The following GRIK2 variants were observed in gnomAD, a reference collection of about 807,000 sequenced individuals.
GRIK2 encodes the protein glutamate receptor ionotropic, kainate 2.
Under a neutral mutation model 100.3 loss-of-function variants are expected in GRIK2, and 32 were observed. That is an observed-to-expected ratio of 0.32 (90% CI 0.24 to 0.43). The LOEUF is 0.43. Ranked by LOEUF, GRIK2 falls within the 20% of genes least tolerant of loss-of-function variation. The pLI is 1.00. For missense variants in GRIK2, 843 were observed against 1,114.9 expected (o/e 0.76, Z 3.47); for synonymous variants, 417 against 389.4 (o/e 1.07, Z -0.83).
At chr6:101,660,286 T>C (rs1314981608) in intron 4 of GRIK2, among the ~76,000 whole-genome samples, 1 of 152,210 alleles carries the variant, frequency 6.6e-6, no homozygotes, top group Non-Finnish European at 1.5e-5. Context: ...TTGTGTATGC[T>C]TCATGAAATT....
At chr6:101,969,930 G>A (rs1284178337) in intron 14 of GRIK2, among the ~76,000 whole-genome samples, 1 of 151,922 alleles carries the variant, frequency 6.6e-6, no homozygotes, top group Non-Finnish European at 1.5e-5. Context: ...TATATGGCTT[G>A]GAGAGTGTGT....
At chr6:101,984,187 A>T (rs1469295377) in intron 14 of GRIK2, among the ~76,000 whole-genome samples, 1 of 151,710 alleles carries the variant, frequency 6.6e-6, no homozygotes, top group Non-Finnish European at 1.5e-5. Flanking sequence ...ATTACCTTAT[A>T]AGTGCTTATT....
At chr6:101,618,653 A>G (rs1001179649) in intron 2 of GRIK2, among the ~76,000 whole-genome samples, 24 of 151,882 alleles carry the variant, frequency 1.6e-4, no homozygotes, top group South Asian at 4.1e-4. Context: ...CTTCCTCTGT[A>G]ATCAATAACC....
chr6:101,621,031 T>C (rs565311168), intron 2 of GRIK2, among the ~76,000 whole-genome samples: 2 of 152,304 alleles, frequency 1.3e-5, no homozygotes, highest in South Asian at 4.1e-4. Context: ...AGGAGTTGCA[T>C]TGTTTTGGAG....
chr6:101,901,742 A>G (rs977299175), intron 12 of GRIK2, among the ~76,000 whole-genome samples: 1 of 151,944 alleles, frequency 6.6e-6, no homozygotes, highest in Non-Finnish European at 1.5e-5. Flanking sequence ...ATTTAAGACT[A>G]AATCATATTT....
chr6:101,923,091 A>T (rs752357039), intron 12 of GRIK2, among the ~76,000 whole-genome samples: 1 of 152,184 alleles, frequency 6.6e-6, no homozygotes, highest in Admixed American at 6.5e-5. Flanking sequence ...AGGATAGGCT[A>T]TTAAAACAAG....
chr6:101,875,776 T>C (rs1785787430), intron 11 of GRIK2, among the ~76,000 whole-genome samples: 1 of 151,868 alleles, frequency 6.6e-6, no homozygotes, highest in Admixed American at 6.6e-5. Context: ...ATAACCAATA[T>C]TTTACCCTTC....
At chr6:101,456,071 T>C (rs970474129) in intron 2 of GRIK2, among the ~76,000 whole-genome samples, 1 of 150,648 alleles carries the variant, frequency 6.6e-6, no homozygotes, top group African/African-American at 2.4e-5. Context: ...GTCTTGGGGG[T>C]CCTGGTTACC....
chr6:101,702,394 TA>T (rs1451432287), intron 7 of GRIK2, among the ~76,000 whole-genome samples: 1 of 151,994 alleles, frequency 6.6e-6, no homozygotes, highest in African/African-American at 2.4e-5. Flanking sequence ...TACATTAACA[TA>T]GAAATTTTGA....
chr6:101,464,954 A>T (rs1771564510), intron 2 of GRIK2, among the ~76,000 whole-genome samples: 1 of 152,178 alleles, frequency 6.6e-6, no homozygotes, highest in African/African-American at 2.4e-5. Context: ...TTCTAAGTCA[A>T]TCTTGATAAC....
chr6:101,812,855 A>G (rs1781419033), intron 9 of GRIK2, among the ~76,000 whole-genome samples: 1 of 152,028 alleles, frequency 6.6e-6, no homozygotes, highest in East Asian at 1.9e-4. Flanking sequence ...TACACCTTCT[A>G]TAGAAGACAT....
intron 11 of GRIK2, among the ~76,000 whole-genome samples, chr6:101,869,339 A>T (rs1785244014): frequency 6.6e-6 from 1 of 151,952 alleles, no homozygotes; most frequent in South Asian, 2.1e-4. Flanking sequence ...AGAAGAATTT[A>T]TTGAAAATGT....
At chr6:101,562,120 T>C (rs1363895148) in intron 2 of GRIK2, among the ~76,000 whole-genome samples, 1 of 152,078 alleles carries the variant, frequency 6.6e-6, no homozygotes, top group Non-Finnish European at 1.5e-5. Flanking sequence ...TGCATGTCTG[T>C]GAAAAGGGGG....
chr6:101,543,591 T>C (rs754853497), intron 2 of GRIK2, among the ~76,000 whole-genome samples: 8 of 152,268 alleles, frequency 5.3e-5, no homozygotes, highest in Non-Finnish European at 1.0e-4. Context: ...AAGGGTGACA[T>C]ATGGTACTGT....
intron 3 of GRIK2, among the ~76,000 whole-genome samples, chr6:101,624,192 C>T (rs1013716520): frequency 2.0e-4 from 30 of 151,822 alleles, no homozygotes; most frequent in Non-Finnish European, 2.8e-4. Flanking sequence ...TTCTGATAAC[C>T]GAAAGCTCTA....
chr6:102,030,827 A>C (rs1410084130), intron 14 of GRIK2, among the ~76,000 whole-genome samples: 2 of 150,940 alleles, frequency 1.3e-5, no homozygotes, highest in Admixed American at 1.3e-4. Flanking sequence ...TATGGCATTC[A>C]AAATCTACAT....
At chr6:101,740,428 GA>G (rs139220226) in intron 7 of GRIK2, among the ~76,000 whole-genome samples, 14,551 of 152,176 alleles carry the variant, frequency 0.096, 834 homozygotes, top group South Asian at 0.2. Context: ...TTTTTAAAAG[GA>G]AAAGGGGGAG....
chr6:101,904,580 T>A (rs1713694846), intron 12 of GRIK2, among the ~76,000 whole-genome samples: 1 of 151,436 alleles, frequency 6.6e-6, no homozygotes. Context: ...AAAAAGATAA[T>A]CATTGGATAC....
chr6:101,673,714 G>A, intron 4 of GRIK2, among the ~76,000 whole-genome samples: 1 of 152,140 alleles, frequency 6.6e-6, no homozygotes, highest in East Asian at 1.9e-4. Context: ...AGATTATCCT[G>A]TATATGATTC....
Sources: allele counts gnomAD v4.1 joint callset (sites outside exome capture counted in the v4.1 genomes callset), GRCh38; gene constraint gnomAD v4.1.1; transcripts MANE v1.5; gene names NCBI Gene and HGNC (gene_info 2026-07-23, HGNC 2026-07-21).